AFAP1: variants seen among roughly 807,000 people sequenced by gnomAD.
AFAP1 encodes the protein actin filament associated protein 1.
In AFAP1, 75 loss-of-function variants were observed where a neutral mutation model predicts 93.9. That is an observed-to-expected ratio of 0.80 (90% CI 0.66 to 0.97). AFAP1 has a LOEUF of 0.97. Among genes scored for constraint, AFAP1 ranks in the 50% least tolerant of loss-of-function variants. The probability of loss-of-function intolerance (pLI) is 0.00; values close to 1 mark genes in which losing one functional copy is unlikely to be tolerated. For missense variants in AFAP1, 1,201 were observed against 1,050.8 expected, an observed-to-expected ratio of 1.14 and a Z score of -1.98; for synonymous variants, 517 against 430.7, an observed-to-expected ratio of 1.20 and a Z score of -2.48.
chr4:7,908,979 GC>G (rs1470933385), intron 1 of AFAP1, among the ~76,000 whole-genome samples: 1 of 47,042 alleles, frequency 2.1e-5, no homozygotes, highest in African/African-American at 8.2e-5. Flanking sequence ...AAATCCTCTG[GC>G]TACATTCAAT....
intron 5 of AFAP1, 92 bp from the exon 6 acceptor site, chr4:7,838,795 G>T: frequency 7.0e-7 from 1 of 1,422,302 alleles, no homozygotes; most frequent in Non-Finnish European, 9.6e-7. Context: ...CTGAGTGCGG[G>T]CAAGGCATCT....
At chr4:7,817,271 A>G (rs968199041) in intron 7 of AFAP1, among the ~76,000 whole-genome samples, 1 of 152,196 alleles carries the variant, frequency 6.6e-6, no homozygotes, top group Non-Finnish European at 1.5e-5. Flanking sequence ...AAATTATGCA[A>G]AAGATGTCAA....
chr4:7,889,704 T>A (rs7695695), intron 1 of AFAP1, among the ~76,000 whole-genome samples: 2,949 of 144,614 alleles, frequency 0.02, 35 homozygotes, highest in East Asian at 0.092. Context: ...TTTTTTTTTT[T>A]AAAAAAAGAA....
rs538129387 is a variant in AFAP1, at chr4:7,858,490, A to G, written c.226-2916T>C. Among the ~76,000 whole-genome samples the G allele has an allele frequency of 6.4e-4, 97 of 152,280 alleles. 1 individual carries two copies. Among genetic ancestry groups the G allele is most frequent in the African/African-American group, 2.2e-3 (93 of 41,552 alleles). On this transcript the variant is annotated intron_variant, in intron 3 of 17. Coordinates refer to ENST00000420658, the MANE Select transcript of AFAP1 (RefSeq NM_001134647.2). ...TAAAGTCAAACAGGAGAAGGGCCGA[A>G]ATGATGAGCAAACTGTCACCACCAC...
chr4:7,920,437 G>A (rs916873988), intron 1 of AFAP1, among the ~76,000 whole-genome samples: 2 of 152,146 alleles, frequency 1.3e-5, no homozygotes, highest in African/African-American at 4.8e-5. Flanking sequence ...GCAAAGGTCC[G>A]TATTTGGGGT....
chr4:7,907,805 TG>T (rs1719503195), intron 1 of AFAP1, among the ~76,000 whole-genome samples: 1 of 152,218 alleles, frequency 6.6e-6, no homozygotes, highest in South Asian at 2.1e-4. Context: ...CAATCTGCAT[TG>T]TTTTTTTTCC....
chr4:7,866,431 G>A (rs909217989), intron 3 of AFAP1, among the ~76,000 whole-genome samples: 3 of 152,166 alleles, frequency 2.0e-5, no homozygotes, highest in Non-Finnish European at 4.4e-5. Flanking sequence ...CCTGAGCTCA[G>A]GCGATCCACC....
chr4:7,827,233 C>T (rs1025456561), intron 6 of AFAP1, among the ~76,000 whole-genome samples: 2 of 151,778 alleles, frequency 1.3e-5, no homozygotes, highest in Non-Finnish European at 2.9e-5. Flanking sequence ...CCACAATCTA[C>T]GGGAAGTATC....
chr4:7,901,906 C>T (rs1333512793), intron 1 of AFAP1, among the ~76,000 whole-genome samples: 1 of 152,166 alleles, frequency 6.6e-6, no homozygotes, highest in African/African-American at 2.4e-5. Context: ...CTCACATCTT[C>T]CTATAAAGTC....
intron 1 of AFAP1, among the ~76,000 whole-genome samples, chr4:7,907,210 C>T (rs1311375816): frequency 6.6e-6 from 1 of 152,158 alleles, no homozygotes; most frequent in Non-Finnish European, 1.5e-5. Context: ...CTTAACAATG[C>T]TTTTGCTAAA....
chr4:7,853,553 G>A (rs939352088), intron 4 of AFAP1, among the ~76,000 whole-genome samples: 12 of 152,098 alleles, frequency 7.9e-5, no homozygotes, highest in African/African-American at 1.9e-4. Context: ...CTGCCGGCCC[G>A]ACCAGACACA....
At chr4:7,803,848 AC>A (rs1404381124) in intron 9 of AFAP1, among the ~76,000 whole-genome samples, 1 of 151,924 alleles carries the variant, frequency 6.6e-6, no homozygotes, top group Non-Finnish European at 1.5e-5. Context: ...TTATCGTAAT[AC>A]CCCCAATTTT....
chr4:7,842,487 A>G lies in AFAP1; in HGVS notation c.546+652T>C, dbSNP rs1418085508. 2.6e-5 allele frequency among the ~76,000 whole-genome samples: 4 copies of G among 151,648 alleles called. No homozygotes were observed. The East Asian group carries it at 7.8e-4, about 29-fold the overall frequency. ...AAGTTCATAATTCTAATAACCAACCATGGTTTCTAAAAAAAAGGCAGGAGG... is the reference window on the plus strand; with the variant it reads ...AAGTTCATAATTCTAATAACCAACCGTGGTTTCTAAAAAAAAGGCAGGAGG... On this transcript the variant is annotated intron_variant, in intron 5 of 17. Coordinates refer to ENST00000420658, the MANE Select transcript of AFAP1 (RefSeq NM_001134647.2).
At chr4:7,867,642 T>C (rs1001633625) in intron 3 of AFAP1, among the ~76,000 whole-genome samples, 1 of 152,246 alleles carries the variant, frequency 6.6e-6, no homozygotes. Flanking sequence ...ACACCTTCAC[T>C]GAGCCTCAGC....
At chr4:7,876,308 G>A (rs1717502683) in intron 1 of AFAP1, among the ~76,000 whole-genome samples, 1 of 152,192 alleles carries the variant, frequency 6.6e-6, no homozygotes, top group African/African-American at 2.4e-5. Flanking sequence ...CAACCACAAG[G>A]GGGACTTTCA....
At chr4:7,860,005 T>C (rs970916995) in intron 3 of AFAP1, among the ~76,000 whole-genome samples, 1 of 151,992 alleles carries the variant, frequency 6.6e-6, no homozygotes, top group African/African-American at 2.4e-5. Flanking sequence ...TAGCCAGGCA[T>C]GATGGTGCAT....
In AFAP1 at chr4:7,901,778, A is replaced by G. The variant is rs558899250; in HGVS notation, c.-2-29698T>C. Among the ~76,000 whole-genome samples the G allele has an allele frequency of 3.3e-5, 5 of 152,334 alleles. No homozygotes were observed. The East Asian group carries it at 9.6e-4, about 29-fold the overall frequency. On this transcript the variant is annotated intron_variant, in intron 1 of 17. Coordinates refer to ENST00000420658, the MANE Select transcript of AFAP1 (RefSeq NM_001134647.2). ...AAGTTCCTTTGCTGTTTTTCTAAAT[A>G]TTGATGTAAAATCTGAACTCAGACA...
At chr4:7,798,850 C>G (rs1718745108) in intron 10 of AFAP1, 2 of 491,238 alleles carry the variant, frequency 4.1e-6, no homozygotes, top group Non-Finnish European at 2.7e-6. Context: ...CCCCGAGCTT[C>G]TCTGTCTGGG....
At chr4:7,826,610 T>G (rs1051806233) in intron 6 of AFAP1, among the ~76,000 whole-genome samples, 14 of 152,230 alleles carry the variant, frequency 9.2e-5, no homozygotes, top group African/African-American at 3.4e-4. Context: ...AAAAGAGATC[T>G]TCAGATTTTC....
Sources: gnomAD v4.1 joint callset for allele counts (sites outside exome capture counted in the v4.1 genomes callset) on GRCh38, gnomAD v4.1.1 for gene constraint, MANE v1.5 for transcripts, NCBI Gene and HGNC (gene_info 2026-07-23, HGNC 2026-07-21) for gene names.